The following PHC2 variants were observed in gnomAD, a reference collection of about 807,000 sequenced individuals.
PHC2 encodes the protein polyhomeotic homolog 2.
Under a neutral mutation model 87.4 loss-of-function variants are expected in PHC2, and 29 were observed. The observed-to-expected ratio is 0.33, with a 90% CI of 0.25 to 0.45. The LOEUF (loss-of-function observed/expected upper bound fraction) is 0.45. Ranked by LOEUF, PHC2 falls within the 20% of genes least tolerant of loss-of-function variation. The pLI is 1.00. For synonymous variants in PHC2, 438 were observed against 461.7 expected (o/e 0.95, Z 0.66); for missense variants, 857 against 1,136.7 (o/e 0.75, Z 3.54).
chr1:33,374,440 A>G lies in PHC2; in HGVS notation c.174+926T>C, dbSNP rs536413423. 2.6e-5 allele frequency among the ~76,000 whole-genome samples: 4 copies of G among 152,336 alleles called. No individual in the cohort carries two copies. The South Asian group carries it at 8.3e-4, about 32-fold the overall frequency. ...GGGTAGGGGCAGGAAACATGGATTCACTAAGCACGAGGTAGAAATAAGTGG... is the reference window on the plus strand; with the variant it reads ...GGGTAGGGGCAGGAAACATGGATTCGCTAAGCACGAGGTAGAAATAAGTGG... On this transcript the variant is annotated intron_variant, in intron 2 of 14. Transcript: ENST00000683057.
At chr1:33,350,613 G>A (rs1013562399) in intron 9 of PHC2, among the ~76,000 whole-genome samples, 2 of 152,238 alleles carry the variant, frequency 1.3e-5, no homozygotes, top group African/African-American at 4.8e-5. Context: ...CTGGACACAC[G>A]CCAGGCACTT....
intron 9 of PHC2, chr1:33,345,985 A>G (rs748583619): frequency 6.1e-6 from 6 of 985,134 alleles, no homozygotes; most frequent in Non-Finnish European, 7.2e-6. Flanking sequence ...AAAACAGAAA[A>G]CATATTCAAA....
intron 14 of PHC2, among the ~76,000 whole-genome samples, chr1:33,328,289 C>T (rs1646414318): frequency 6.6e-6 from 1 of 152,290 alleles, no homozygotes; most frequent in East Asian, 1.9e-4. Context: ...ATCTTCATGC[C>T]TCTGCATGTG....
intron 8 of PHC2, 56 bp from the exon 9 acceptor site, chr1:33,354,622 G>T: frequency 1.3e-6 from 2 of 1,540,290 alleles, no homozygotes. Flanking sequence ...TTGCATTCTT[G>T]GATACTTCCC....
intron 1 of PHC2, among the ~76,000 whole-genome samples, chr1:33,388,820 G>T (rs1445941394): frequency 6.6e-6 from 1 of 152,076 alleles, no homozygotes; most frequent in Non-Finnish European, 1.5e-5. Context: ...GTTCTGAGAG[G>T]TAAAGTAACT....
At chr1:33,427,321 G>T (rs1281744605) in intron 1 of PHC2, among the ~76,000 whole-genome samples, 1 of 152,176 alleles carries the variant, frequency 6.6e-6, no homozygotes, top group African/African-American at 2.4e-5. Flanking sequence ...AAAGCAGTAA[G>T]TTTAAGAAAT....
intron 1 of PHC2, among the ~76,000 whole-genome samples, chr1:33,429,007 T>G (rs1171149243): frequency 6.6e-6 from 1 of 152,256 alleles, no homozygotes; most frequent in Non-Finnish European, 1.5e-5. Context: ...ATCTTACTAC[T>G]TATTTCCCCA....
rs1265589446 is a variant in PHC2, at chr1:33,429,611, G to A, written c.-55+1365C>T. 5.9e-5 allele frequency among the ~76,000 whole-genome samples: 9 copies of A among 152,284 alleles called. No individual in the cohort carries two copies. The East Asian group carries it at 1.7e-3, about 29-fold the overall frequency. The stretch of plus-strand genomic sequence containing the variant: ...AGCCCTTTGCATTCACATCTATTAT[G>A]CTGTTAATCACTTTTACTAGCAATT... On this transcript the variant is annotated intron_variant, in intron 1 of 14. Transcript: ENST00000683057.
chr1:33,342,949 G>A (rs1368596233), intron 9 of PHC2, among the ~76,000 whole-genome samples: 1 of 152,184 alleles, frequency 6.6e-6, no homozygotes, highest in African/African-American at 2.4e-5. Context: ...TGGGCTCTGG[G>A]GGCCAGACCT....
At chr1:33,393,059 C>G (rs1535918) in intron 1 of PHC2, among the ~76,000 whole-genome samples, 14,838 of 152,146 alleles carry the variant, frequency 0.098, 1,030 homozygotes, top group East Asian at 0.28. Context: ...CTATCCTGTA[C>G]CCCCTTACAA....
At chr1:33,401,135 G>A (rs1649508333) in intron 1 of PHC2, among the ~76,000 whole-genome samples, 2 of 152,060 alleles carry the variant, frequency 1.3e-5, no homozygotes, top group Non-Finnish European at 2.9e-5. Flanking sequence ...AACCATCCTG[G>A]CTAACATGGT....
intron 1 of PHC2, among the ~76,000 whole-genome samples, chr1:33,383,313 G>C (rs1054599934): frequency 6.6e-6 from 1 of 152,214 alleles, no homozygotes; most frequent in African/African-American, 2.4e-5. Context: ...TCCTCTGCAT[G>C]TTGCCACCTT....
chr1:33,328,325 G>C (rs181564894), intron 14 of PHC2, among the ~76,000 whole-genome samples: 14 of 151,588 alleles, frequency 9.2e-5, no homozygotes, highest in African/African-American at 3.4e-4. Flanking sequence ...TCTCCATCCA[G>C]CAAAGGCATA....
rs538416020 is a variant in PHC2 at position 33,337,538 on chromosome 1, T to G, written c.1559-3246A>C. Among the ~76,000 whole-genome samples, 5 of 152,302 alleles carry G rather than the reference T, an allele frequency of 3.3e-5. No individual in the cohort carries two copies. The East Asian group carries it at 9.7e-4, about 29-fold the overall frequency. ...GCAAGTCATTGTCCCTCTCTAAGCCTCAGCTTCACTGGCTGTGAAATAAGG... is the reference window on the plus strand; with the variant it reads ...GCAAGTCATTGTCCCTCTCTAAGCCGCAGCTTCACTGGCTGTGAAATAAGG... On this transcript the variant is annotated intron_variant, in intron 9 of 14. Transcript: ENST00000683057.
At chr1:33,415,336 TTTGTGTTCACATC>T (rs1650160560) in intron 1 of PHC2, among the ~76,000 whole-genome samples, 1 of 152,168 alleles carries the variant, frequency 6.6e-6, no homozygotes, top group South Asian at 2.1e-4. Flanking sequence ...CTGTAAATAG[TTTGTGTTCACATC>T]TATCTGAGCA....
At chr1:33,327,656 C>G (rs1018256383) in intron 14 of PHC2, among the ~76,000 whole-genome samples, 28 of 152,348 alleles carry the variant, frequency 1.8e-4, no homozygotes, top group Admixed American at 1.2e-3. Flanking sequence ...GTGGCTTCTA[C>G]CTTGCACTCC....
rs1384787336 is a variant in PHC2, at chr1:33,369,197, G to A, written c.577-575C>T. ...CAGAGGAAGCGGACCGCCTGGAGCCGTCCTCATGTCTGAATCCCATCCTGC... is the reference window on the plus strand; with the variant it reads ...CAGAGGAAGCGGACCGCCTGGAGCCATCCTCATGTCTGAATCCCATCCTGC... On this transcript the variant is annotated intron_variant, in intron 5 of 14. Coordinates refer to ENST00000683057, the MANE Select transcript of PHC2 (RefSeq NM_001385109.1). The surrounding 1 kb of genome is among the most constrained non-coding windows in gnomAD (Gnocchi z 4.7). Among the ~76,000 whole-genome samples, 3 of 152,316 alleles carry A rather than the reference G, an allele frequency of 2.0e-5. No homozygotes were observed. Among genetic ancestry groups the A allele is most frequent in the Admixed American group, 1.3e-4 (2 of 15,308 alleles).
At chr1:33,357,379 C>T (rs1392868574) in intron 7 of PHC2, among the ~76,000 whole-genome samples, 6 of 152,066 alleles carry the variant, frequency 3.9e-5, no homozygotes, top group Admixed American at 1.3e-4. Context: ...CTCATCCCAG[C>T]CCAACGTGAA....
At position 33,332,927 on chromosome 1, in the gene PHC2, C is replaced by G. The variant is rs745529409; in HGVS notation, c.1762-523G>C. Reference sequence around the variant, plus strand: ...GACCCTGGGCCACAGAGCCAATGAACTCTCAGTTGTCAGAACCCCAGAGCA... The same window carrying G: ...GACCCTGGGCCACAGAGCCAATGAAGTCTCAGTTGTCAGAACCCCAGAGCA... On this transcript the variant is annotated intron_variant, in intron 10 of 14. Coordinates refer to ENST00000683057, the MANE Select transcript of PHC2 (RefSeq NM_001385109.1). This position sits in a 1 kb window ranked among gnomAD's most constrained non-coding sequence, Gnocchi z 4.2. 6.6e-6 allele frequency among the ~76,000 whole-genome samples: 1 copy of G among 152,182 alleles called. No homozygotes were observed. Among genetic ancestry groups the G allele is most frequent in the African/African-American group, 2.4e-5 (1 of 41,428 alleles).
Sources: gnomAD v4.1 joint callset for allele counts (sites outside exome capture counted in the v4.1 genomes callset) on GRCh38, gnomAD v4.1.1 for gene constraint, Gnocchi (gnomAD v3.1) non-coding constraint, MANE v1.5 for transcripts, NCBI Gene and HGNC (gene_info 2026-07-23, HGNC 2026-07-21) for gene names.